The following BRAT1 variants were observed in gnomAD, a reference collection of about 807,000 sequenced individuals.
BRAT1 encodes the protein BRCA1 associated ATM activator 1, also known as integrator complex assembly factor BRAT1.
Under a neutral mutation model 70.6 loss-of-function variants are expected in BRAT1, and 74 were observed. The ratio of observed to expected loss-of-function variants is 1.05; its 90% CI spans 0.87 to 1.27. The LOEUF (loss-of-function observed/expected upper bound fraction) is 1.27, where lower values mean the gene tolerates loss of function less well. Among genes scored for constraint, BRAT1 ranks in the 50% most tolerant of loss-of-function variants. The pLI, the probability that BRAT1 is intolerant of heterozygous loss-of-function variation, is 0.00. For synonymous variants in BRAT1, 615 were observed against 517.1 expected (o/e 1.19, Z -2.57); for missense variants, 1,203 against 1,098.2 (o/e 1.10, Z -1.35).
intron 6 of BRAT1, chr7:2,542,595 C>T (rs1384254976): frequency 3.8e-6 from 1 of 263,138 alleles, no homozygotes; most frequent in Admixed American, 5.1e-5. Flanking sequence ...GCAGTGTCCC[C>T]ACAATGCATT....
rs1778810925 is a variant in BRAT1, at chr7:2,537,994, G to A, written c.*75C>T. The A allele has an allele frequency of 2.1e-6, 3 of 1,459,108 alleles. No homozygotes were observed. Among genetic ancestry groups the A allele is most frequent in the Non-Finnish European group, 2.7e-6 (3 of 1,107,810 alleles). The allele number at this position is 1,459,108 out of a possible 1,614,324, so 90.4% of individuals were successfully genotyped here. On this transcript the variant is annotated 3_prime_UTR_variant, in exon 14 of 14. Coordinates refer to ENST00000340611, the MANE Select transcript of BRAT1 (RefSeq NM_152743.4). ...CACCGGGCTGGGCTGGAGCCCTGGG[G>A]CTGGCAGTGTCCCACAGAAGGACAT...
intron 2 of BRAT1, among the ~76,000 whole-genome samples, chr7:2,551,689 A>G (rs1031149756): frequency 6.6e-6 from 1 of 151,888 alleles, no homozygotes; most frequent in African/African-American, 2.4e-5. Context: ...CAAAAAAAAA[A>G]AAAAAGAAAA....
intron 7 of BRAT1, 39 bp downstream of exon 7, chr7:2,542,081 C>A: frequency 6.8e-7 from 1 of 1,462,972 alleles, no homozygotes; most frequent in Non-Finnish European, 9.1e-7. Context: ...GCCGCAGGGA[C>A]CCAGGTTCTG....
chr7:2,544,787 C>T (rs1341693359), intron 4 of BRAT1, 122 bp downstream of exon 4: 3 of 1,403,832 alleles, frequency 2.1e-6, no homozygotes, highest in African/African-American at 1.5e-5. Flanking sequence ...TGTCACAGTG[C>T]AGTCTTTGCA....
chr7:2,541,939 G>A, intron 7 of BRAT1, 103 bp from the exon 8 acceptor site: 3 of 1,334,526 alleles, frequency 2.2e-6, no homozygotes, highest in Non-Finnish European at 3.1e-6. Flanking sequence ...CAGGACCTAG[G>A]TGCAGAGCAG....
In BRAT1 at chr7:2,547,254, C is replaced by T. The variant is rs1462826542; in HGVS notation, c.282+70G>A. 3.8e-6 allele frequency: 6 copies of T among 1,573,748 alleles called. No individual in the cohort carries two copies. The East Asian group carries it at 1.1e-4, about 30-fold the overall frequency. ...GGGATGGTGATGGCTACAAATGCCC[C>T]ACCTGGCTGCGGGAGGAAAAGCCTG... is the stretch of plus-strand genomic sequence containing the variant. On this transcript the variant is annotated intron_variant, in intron 3 of 13. Coordinates refer to ENST00000340611, the MANE Select transcript of BRAT1 (RefSeq NM_152743.4).
Position 2,539,786 on chromosome 7 carries a change from C to T in BRAT1, c.1498G>A (p.Glu500Lys). The change falls in exon 11 of 14, where the codon GAG (glutamate) becomes AAG (lysine). Residue 500 changes from glutamate to lysine, a missense_variant and splice_region_variant. Transcript: ENST00000340611. ...LGPLIPQFLR[E>K]LFPVLQKRLC... ...TCACCCCTGCAAGGGGCTGCGTTACCTCTGAGGAACTGCGGGATGAGGGGG... is the reference window on the plus strand; with the variant it reads ...TCACCCCTGCAAGGGGCTGCGTTACTTCTGAGGAACTGCGGGATGAGGGGG... 1 of 1,610,666 alleles carries T rather than the reference C, an allele frequency of 6.2e-7. No homozygotes were observed. The highest frequency in any genetic ancestry group is 8.5e-7 in the Non-Finnish European group (1 of 1,178,612).
chr7:2,548,093 CAAAAAAAA>C (rs57069903), intron 2 of BRAT1, among the ~76,000 whole-genome samples: 3 of 98,852 alleles, frequency 3.0e-5, no homozygotes, highest in East Asian at 3.7e-4. Context: ...GACTCCATTC[CAAAAAAAA>C]AAAAAAAAAA....
chr7:2,545,981 C>A (rs1334540534), intron 3 of BRAT1, among the ~76,000 whole-genome samples: 1 of 152,248 alleles, frequency 6.6e-6, no homozygotes, highest in Non-Finnish European at 1.5e-5. Context: ...TGCCTTCGCA[C>A]AACCTGGCGA....
intron 7 of BRAT1, 82 bp downstream of exon 7, chr7:2,542,038 A>G (rs1779212838): frequency 7.4e-7 from 1 of 1,347,660 alleles, no homozygotes; most frequent in Non-Finnish European, 1.0e-6. Flanking sequence ...GGGGGTGGCG[A>G]GCCAGCTACT....
chr7:2,538,888 G>C (rs1259014595), intron 13 of BRAT1, 124 bp from the exon 14 acceptor site: 1 of 1,496,120 alleles, frequency 6.7e-7, no homozygotes, highest in East Asian at 2.5e-5. Context: ...AGCCCGCTCT[G>C]ACACCTTCCC....
chr7:2,541,526 GC>G (rs1248234139), intron 8 of BRAT1, 42 bp from the exon 9 acceptor site: 1 of 1,505,754 alleles, frequency 6.6e-7, no homozygotes, highest in African/African-American at 1.4e-5. Flanking sequence ...CGGTCCCACT[GC>G]CGGCGTGGAT....
At chr7:2,541,194 G>T (rs937988617) in intron 9 of BRAT1, 104 bp downstream of exon 9, 17 of 581,722 alleles carry the variant, frequency 2.9e-5, no homozygotes, top group Non-Finnish European at 4.6e-5. Flanking sequence ...CCCCACCCCA[G>T]AGAAGAAACA....
intron 2 of BRAT1, among the ~76,000 whole-genome samples, chr7:2,550,566 C>T (rs187909551): frequency 7.4e-6 from 1 of 135,742 alleles, no homozygotes; most frequent in Non-Finnish European, 1.6e-5. Flanking sequence ...AAAGAAAAAT[C>T]ATGAATCCAT....
Position 2,543,236 on chromosome 7 carries a change from G to C in BRAT1, c.891C>G (p.Pro297=). The C allele has an allele frequency of 6.2e-7, 1 of 1,609,126 alleles. No individual in the cohort carries two copies. The highest frequency in any genetic ancestry group is 8.5e-7 in the Non-Finnish European group (1 of 1,177,848). The change falls in exon 6 of 14, where the codon CCC becomes CCG. Residue 297 remains proline (P), a synonymous_variant. Transcript: ENST00000340611. This position sits in a 1 kb window ranked among gnomAD's most constrained non-coding sequence, Gnocchi z 5.5. The stretch of plus-strand genomic sequence containing the variant: ...CGAGCTTCAGGATCCCCAAAGCCAG[G>C]GGTCCCATGTGGGTGGGACCCAGGC... ...LSCLGPTHMG[P]LALGILKLEH...
intron 9 of BRAT1, 39 bp downstream of exon 9, chr7:2,541,259 G>A: frequency 6.5e-7 from 1 of 1,530,746 alleles, no homozygotes; most frequent in Non-Finnish European, 8.8e-7. Context: ...TGGGGGCACA[G>A]GGATAGCCCC....
intron 13 of BRAT1, chr7:2,538,966 G>A: frequency 6.9e-7 from 1 of 1,444,714 alleles, no homozygotes; most frequent in Non-Finnish European, 9.1e-7. Context: ...AGGTAACCAT[G>A]TCTAAGTGGA....
chr7:2,543,741 G>C lies in BRAT1; in HGVS notation c.652C>G (p.Leu218Val), dbSNP rs1471856951. ...SAATPKVTQA[L>V]NVLTTTFGRC... The stretch of plus-strand genomic sequence containing the variant: ...CCGAAGGTCGTGGTCAGGACGTTCA[G>C]GGCCTGAGTGACCTTGGGGGTGGCC... Residue 218 changes from leucine to valine, a missense_variant, in exon 5 of 14, where the codon CTG becomes GTG. Physicochemically the swap from Leu to Val is conservative, Grantham distance 32. Coordinates refer to ENST00000340611, the MANE Select transcript of BRAT1 (RefSeq NM_152743.4). The surrounding 1 kb of genome is among the most constrained non-coding windows in gnomAD (Gnocchi z 5.5). 5.6e-6 allele frequency: 9 copies of C among 1,602,210 alleles called. No individual in the cohort carries two copies. The Admixed American group carries it at 1.0e-4, about 18-fold the overall frequency.
At chr7:2,551,681 A>G (rs1780017733) in intron 2 of BRAT1, among the ~76,000 whole-genome samples, 1 of 146,468 alleles carries the variant, frequency 6.8e-6, no homozygotes, top group Non-Finnish European at 1.5e-5. Context: ...CCCTGGCTCA[A>G]AAAAAAAAAA....
Sources: allele counts gnomAD v4.1 joint callset (sites outside exome capture counted in the v4.1 genomes callset), GRCh38; gene constraint gnomAD v4.1.1; non-coding constraint Gnocchi (gnomAD v3.1); transcripts MANE v1.5; gene names NCBI Gene and HGNC (gene_info 2026-07-23, HGNC 2026-07-21).